MEGF11: variants seen among roughly 807,000 people sequenced by gnomAD.
The protein encoded by MEGF11 is multiple EGF like domains 11.
A neutral mutation model predicts 146.6 loss-of-function variants in MEGF11; 126 were observed. That is an observed-to-expected ratio of 0.86 (90% confidence interval 0.74 to 1.00). The LOEUF is 1.00. MEGF11 is among the 50% of genes least tolerant of loss of function. MEGF11 has a pLI of 0.00. For synonymous variants in MEGF11, 532 were observed against 583.4 expected (o/e 0.91, Z 1.27); for missense variants, 1,509 against 1,521.2 (o/e 0.99, Z 0.13).
At position 65,982,119 on chromosome 15, in the gene MEGF11, G is replaced by T; in HGVS notation, c.641+123C>A. ...AGCCCAGGGCTGGGCGTGCAGCTGC[G>T]GTGAGGGCAGCCACTCCAGGCCCCG... On this transcript the variant is annotated intron_variant, in intron 6 of 25. Transcript: ENST00000395614. This position sits in a 1 kb window ranked among gnomAD's most constrained non-coding sequence, Gnocchi z 5.6. 7.7e-7 allele frequency: 1 copy of T among 1,296,808 alleles called. No homozygotes were observed. Among genetic ancestry groups the T allele is most frequent in the Non-Finnish European group, 1.0e-6 (1 of 985,258 alleles). 80.3% of individuals were successfully genotyped at this position (1,296,808 alleles called of 1,614,324 possible). A position where few individuals can be genotyped will look rare whatever the true frequency, so the allele number is the denominator to read the frequency against.
At chr15:66,037,608 G>A (rs2083774188) in intron 5 of MEGF11, among the ~76,000 whole-genome samples, 1 of 152,214 alleles carries the variant, frequency 6.6e-6, no homozygotes, top group African/African-American at 2.4e-5. Context: ...AGGGTGGGGT[G>A]AGGGCAAGTG....
chr15:66,055,859 C>T (rs928948732), intron 5 of MEGF11, among the ~76,000 whole-genome samples: 1 of 152,172 alleles, frequency 6.6e-6, no homozygotes, highest in Admixed American at 6.5e-5. Context: ...CCATCTCTCT[C>T]GTAGAGACTG....
chr15:65,995,505 C>T (rs1480137910), intron 5 of MEGF11, among the ~76,000 whole-genome samples: 1 of 152,222 alleles, frequency 6.6e-6, no homozygotes, highest in Non-Finnish European at 1.5e-5. Context: ...CTCTCAATTT[C>T]TTACTTATTT....
chr15:65,990,251 C>T (rs1004265748), intron 5 of MEGF11, among the ~76,000 whole-genome samples: 6 of 152,026 alleles, frequency 3.9e-5, no homozygotes, highest in African/African-American at 1.4e-4. Context: ...CCAAAGATGT[C>T]CCCATTCAGA....
At chr15:65,927,489 GA>G (rs1323905817) in intron 13 of MEGF11, among the ~76,000 whole-genome samples, 1 of 152,224 alleles carries the variant, frequency 6.6e-6, no homozygotes, top group Non-Finnish European at 1.5e-5. Context: ...AGTTGTCATT[GA>G]ACTCTGATTT....
intron 5 of MEGF11, among the ~76,000 whole-genome samples, chr15:66,018,571 G>A (rs188526616): frequency 9.2e-4 from 140 of 152,336 alleles, no homozygotes; most frequent in African/African-American, 3.3e-3. Context: ...AGCAGCCCAC[G>A]ACCGTGAATG....
intron 10 of MEGF11, among the ~76,000 whole-genome samples, chr15:65,941,771 G>T (rs1212132039): frequency 6.6e-6 from 1 of 152,224 alleles, no homozygotes; most frequent in African/African-American, 2.4e-5. Context: ...AAAATCTCTG[G>T]AGATGTTTGC....
rs1468279530 is a variant in MEGF11 at position 65,906,113 on chromosome 15, G to T, written c.3027C>A (p.Asn1009Lys). 6.2e-7 allele frequency: 1 copy of T among 1,611,104 alleles called. No individual in the cohort carries two copies. The highest frequency in any genetic ancestry group is 1.1e-5 in the South Asian group (1 of 90,160). The change falls in exon 24 of 26, where the codon AAC becomes AAA. Residue 1009 changes from asparagine to lysine, a missense_variant. Coordinates refer to ENST00000395614, the MANE Select transcript of MEGF11 (RefSeq NM_001385028.1). ...PGACGMDRRQ[N>K]TYIMDKGFKD... ...TGAAGCCTTTGTCCATAATGTATGT[G>T]TTCTGACGTCTATCCATTCCACAAG...
intron 5 of MEGF11, among the ~76,000 whole-genome samples, chr15:66,052,811 T>C (rs893999765): frequency 2.0e-5 from 3 of 152,206 alleles, no homozygotes; most frequent in Non-Finnish European, 2.9e-5. Context: ...TGGCTACGTA[T>C]TGAAATTCCC....
At chr15:65,975,627 GCCT>G (rs1028637105) in intron 7 of MEGF11, among the ~76,000 whole-genome samples, 7 of 152,136 alleles carry the variant, frequency 4.6e-5, no homozygotes, top group Admixed American at 4.6e-4. Context: ...TCCCAGCTCT[GCCT>G]CCTCCCAGAT....
intron 10 of MEGF11, among the ~76,000 whole-genome samples, chr15:65,948,681 A>G (rs1343346307): frequency 6.6e-6 from 1 of 152,222 alleles, no homozygotes; most frequent in African/African-American, 2.4e-5. Flanking sequence ...TAAATATTTT[A>G]TCTAATTCAA....
intron 1 of MEGF11, among the ~76,000 whole-genome samples, chr15:66,140,802 C>G (rs1442681114): frequency 1.3e-5 from 2 of 152,116 alleles, no homozygotes; most frequent in African/African-American, 4.8e-5. Flanking sequence ...ATCTGTGGGC[C>G]TGGGTGTGCA....
intron 18 of MEGF11, 86 bp downstream of exon 18, chr15:65,916,062 T>C (rs1027236249): frequency 4.1e-6 from 6 of 1,447,624 alleles, no homozygotes; most frequent in Middle Eastern, 4.8e-4. Flanking sequence ...GAGCCCTGAG[T>C]GAGTGGACCT....
intron 1 of MEGF11, among the ~76,000 whole-genome samples, chr15:66,193,704 G>T (rs1458933238): frequency 6.6e-6 from 1 of 151,936 alleles, no homozygotes; most frequent in Non-Finnish European, 1.5e-5. Flanking sequence ...GGTATACGAG[G>T]GAGTCTGGAA....
At position 65,957,461 on chromosome 15, in the gene MEGF11, G is replaced by A; in HGVS notation, c.1287+86C>T. On this transcript the variant is annotated intron_variant, in intron 10 of 25. Coordinates refer to ENST00000395614, the MANE Select transcript of MEGF11 (RefSeq NM_001385028.1). ...GGACACAAGGAGGCAGCTGGGTGCA[G>A]GGCCACAGTCCTGATTGCACCAGGA... 12 of 1,329,416 alleles carry A rather than the reference G, an allele frequency of 9.0e-6. No individual in the cohort carries two copies. In the South Asian group the frequency reaches 1.1e-4, roughly 12 times the overall value. The allele number at this position is 1,329,416 out of a possible 1,614,324, so 82.4% of individuals were successfully genotyped here. A position where few individuals can be genotyped will look rare whatever the true frequency, so the allele number is the denominator to read the frequency against.
intron 1 of MEGF11, among the ~76,000 whole-genome samples, chr15:66,153,560 G>A (rs998906927): frequency 1.6e-4 from 24 of 149,026 alleles, no homozygotes; most frequent in African/African-American, 5.1e-4. Flanking sequence ...GCAACAGAGC[G>A]AGACTCCATC....
At chr15:66,234,949 G>C (rs1321214969) in intron 1 of MEGF11, among the ~76,000 whole-genome samples, 1 of 152,198 alleles carries the variant, frequency 6.6e-6, no homozygotes, top group Admixed American at 6.5e-5. Context: ...TCGGAACTCA[G>C]GGTCTGGTGA....
chr15:65,929,683 C>T (rs369664258), intron 12 of MEGF11, 37 bp downstream of exon 12: 46 of 1,536,716 alleles, frequency 3.0e-5, no homozygotes, highest in Admixed American at 6.0e-5. Flanking sequence ...TGAGGGGATG[C>T]GGAGCCCAAC....
At chr15:65,971,850 A>G (rs333561) in intron 7 of MEGF11, among the ~76,000 whole-genome samples, 1 of 151,822 alleles carries the variant, frequency 6.6e-6, no homozygotes, top group African/African-American at 2.4e-5. Flanking sequence ...CAACAGGAAC[A>G]CAGAGGAAAT....
Sources: gnomAD v4.1 joint callset for allele counts (sites outside exome capture counted in the v4.1 genomes callset) on GRCh38, gnomAD v4.1.1 for gene constraint, Gnocchi (gnomAD v3.1) non-coding constraint, MANE v1.5 for transcripts, NCBI Gene and HGNC (gene_info 2026-07-23, HGNC 2026-07-21) for gene names.